Variants in NALF1 observed in about 807,000 individuals in gnomAD.
NALF1 encodes the protein family with sequence similarity 155 member A.
In NALF1, 3 loss-of-function variants were observed where a neutral mutation model predicts 48.4. The observed-to-expected ratio is 0.06, with a 90% CI of 0.03 to 0.16. The LOEUF (loss-of-function observed/expected upper bound fraction) is 0.16, where lower values mean the gene tolerates loss of function less well. Among genes scored for constraint, NALF1 ranks in the 10% least tolerant of loss-of-function variants. NALF1 has a pLI of 1.00. For missense variants in NALF1, 526 were observed against 571.5 expected, an observed-to-expected ratio of 0.92 and a Z score of 0.81; for synonymous variants, 262 against 245.7, an observed-to-expected ratio of 1.07 and a Z score of -0.62.
At chr13:107,415,329 C>T (rs769516676) in intron 1 of NALF1, among the ~76,000 whole-genome samples, 4 of 151,748 alleles carry the variant, frequency 2.6e-5, no homozygotes, top group African/African-American at 9.7e-5. Context: ...TTTATGTCCA[C>T]CTCAAAATGC....
At chr13:107,702,570 G>A (rs1261921877) in intron 1 of NALF1, among the ~76,000 whole-genome samples, 1 of 151,954 alleles carries the variant, frequency 6.6e-6, no homozygotes, top group Non-Finnish European at 1.5e-5. Context: ...AAGTTCAGGG[G>A]TACATGTCAG....
At chr13:107,739,235 T>C (rs562797067) in intron 1 of NALF1, among the ~76,000 whole-genome samples, 130 of 151,978 alleles carry the variant, frequency 8.6e-4, no homozygotes, top group Non-Finnish European at 1.5e-3. Flanking sequence ...TAGATGATGG[T>C]TGATAGGTGC....
chr13:107,558,806 G>A (rs1483248972), intron 1 of NALF1, among the ~76,000 whole-genome samples: 1 of 152,166 alleles, frequency 6.6e-6, no homozygotes, highest in African/African-American at 2.4e-5. Flanking sequence ...CATGTCTGTC[G>A]AGGTCCTGGA....
chr13:107,631,296 G>A (rs1879827605), intron 1 of NALF1, among the ~76,000 whole-genome samples: 1 of 152,138 alleles, frequency 6.6e-6, no homozygotes, highest in African/African-American at 2.4e-5. Context: ...AGACCTGCTT[G>A]CTATACTGGA....
chr13:107,607,000 T>C (rs891681554), intron 1 of NALF1, among the ~76,000 whole-genome samples: 1 of 152,224 alleles, frequency 6.6e-6, no homozygotes, highest in African/African-American at 2.4e-5. Flanking sequence ...CATTTTCTAT[T>C]ATTCTGAAGG....
chr13:107,837,684 G>T (rs1230666910), intron 1 of NALF1, among the ~76,000 whole-genome samples: 3 of 145,528 alleles, frequency 2.1e-5, no homozygotes, highest in Admixed American at 6.9e-5. Flanking sequence ...CACCAGCTGC[G>T]CAGACTCCCA....
At chr13:107,674,967 A>C (rs1198402537) in intron 1 of NALF1, among the ~76,000 whole-genome samples, 1 of 152,146 alleles carries the variant, frequency 6.6e-6, no homozygotes, top group Non-Finnish European at 1.5e-5. Context: ...GAGGAGGCTA[A>C]GAAGTAGGTA....
Position 107,356,794 on chromosome 13 carries a change from T to C in NALF1, c.916-146039A>G, listed in dbSNP as rs191186763. 3.7e-4 allele frequency among the ~76,000 whole-genome samples: 57 copies of C among 152,328 alleles called. 1 individual carries two copies. Among genetic ancestry groups the C allele is most frequent in the Non-Finnish European group, 6.9e-4 (47 of 68,030 alleles). On this transcript the variant is annotated intron_variant, in intron 1 of 2. Transcript: ENST00000375915. ...ATTTTCTGGTTAACAGGTGTGGATATGGAAATGTTCTGTTGTGGAATCAAC... is the reference window on the plus strand; with the variant it reads ...ATTTTCTGGTTAACAGGTGTGGATACGGAAATGTTCTGTTGTGGAATCAAC...
intron 1 of NALF1, among the ~76,000 whole-genome samples, chr13:107,801,852 C>T (rs868239004): frequency 1.3e-5 from 2 of 152,114 alleles, no homozygotes; most frequent in East Asian, 1.9e-4. Flanking sequence ...CTTTCCTCTT[C>T]GCACAGCCAG....
intron 1 of NALF1, among the ~76,000 whole-genome samples, chr13:107,425,280 T>C (rs1884260031): frequency 6.6e-6 from 1 of 152,162 alleles, no homozygotes; most frequent in Non-Finnish European, 1.5e-5. Flanking sequence ...CATCATAAAC[T>C]AAGTGCGTTT....
At chr13:107,229,096 T>A (rs923421037) in intron 1 of NALF1, among the ~76,000 whole-genome samples, 3 of 152,136 alleles carry the variant, frequency 2.0e-5, no homozygotes, top group Non-Finnish European at 4.4e-5. Context: ...TTGTTGTGCT[T>A]ATAGCTTCCA....
At chr13:107,735,310 G>T (rs1187961307) in intron 1 of NALF1, among the ~76,000 whole-genome samples, 1 of 152,188 alleles carries the variant, frequency 6.6e-6, no homozygotes, top group Non-Finnish European at 1.5e-5. Flanking sequence ...ACTAAATGAC[G>T]AGTATTTCCA....
At chr13:107,517,455 C>T (rs1389694540) in intron 1 of NALF1, among the ~76,000 whole-genome samples, 1 of 151,452 alleles carries the variant, frequency 6.6e-6, no homozygotes, top group Non-Finnish European at 1.5e-5. Flanking sequence ...ATGGTGAAAC[C>T]CCGTCTCTGC....
rs193169094 is a variant in NALF1 at position 107,340,610 on chromosome 13, T to C, written c.916-129855A>G. ...AGAGAGGAACAGTTGTGTATATCAC[T>C]GGCAGTGGAATACAAATAGAGTCAT... On this transcript the variant is annotated intron_variant, in intron 1 of 2. Coordinates refer to ENST00000375915, the MANE Select transcript of NALF1 (RefSeq NM_001080396.3). Among the ~76,000 whole-genome samples, 761 of 152,100 alleles carry C rather than the reference T, an allele frequency of 5.0e-3. 4 individuals carry two copies. Among genetic ancestry groups the C allele is most frequent in the Non-Finnish European group, 7.9e-3 (534 of 67,998 alleles).
At chr13:107,767,006 G>A (rs1335304308) in intron 1 of NALF1, among the ~76,000 whole-genome samples, 4 of 152,070 alleles carry the variant, frequency 2.6e-5, no homozygotes, top group African/African-American at 7.2e-5. Flanking sequence ...TTAGACGTGT[G>A]GAGGAAAAAC....
At chr13:107,337,771 C>G (rs1398388418) in intron 1 of NALF1, among the ~76,000 whole-genome samples, 4 of 152,166 alleles carry the variant, frequency 2.6e-5, no homozygotes, top group African/African-American at 7.2e-5. Context: ...TGGGGTCAGA[C>G]AGACATGAAC....
At position 107,431,698 on chromosome 13, in the gene NALF1, T is replaced by C. The variant is rs145939466; in HGVS notation, c.916-220943A>G. Among the ~76,000 whole-genome samples the C allele has an allele frequency of 6.2e-4, 95 of 152,284 alleles. No homozygotes were observed. The Middle Eastern group carries it at 0.01, about 16-fold the overall frequency. The stretch of plus-strand genomic sequence containing the variant: ...CCAGGACTAAGTAATGTATCTCAAA[T>C]ATAAGTCATTCTGGACTTGCTGTTT... On this transcript the variant is annotated intron_variant, in intron 1 of 2. Coordinates refer to ENST00000375915, the MANE Select transcript of NALF1 (RefSeq NM_001080396.3).
chr13:107,249,617 G>C (rs550806615), intron 1 of NALF1, among the ~76,000 whole-genome samples: 6 of 149,360 alleles, frequency 4.0e-5, no homozygotes, highest in Admixed American at 2.0e-4. Flanking sequence ...CAGATGTAGA[G>C]AGATGGCCAA....
At chr13:107,290,599 T>C (rs28459564) in intron 1 of NALF1, among the ~76,000 whole-genome samples, 5,769 of 152,058 alleles carry the variant, frequency 0.038, 390 homozygotes, top group African/African-American at 0.13. Context: ...TCCCCAGCCA[T>C]GTAGAACTCT....
Sources: gnomAD v4.1 joint callset for allele counts (sites outside exome capture counted in the v4.1 genomes callset) on GRCh38, gnomAD v4.1.1 for gene constraint, MANE v1.5 for transcripts, NCBI Gene and HGNC (gene_info 2026-07-23, HGNC 2026-07-21) for gene names.